INVS: variants seen among roughly 807,000 people sequenced by gnomAD.
INVS encodes the protein inversion of embryo turning homolog.
A neutral mutation model predicts 108.8 loss-of-function variants in INVS; 86 were observed. The observed-to-expected ratio is 0.79, with a 90% CI of 0.66 to 0.95. The LOEUF (loss-of-function observed/expected upper bound fraction) is 0.95. Among genes scored for constraint, INVS ranks in the 40% least tolerant of loss-of-function variants. The pLI is 0.00. For missense variants in INVS, 1,169 were observed against 1,297.4 expected, an observed-to-expected ratio of 0.90 and a Z score of 1.52; for synonymous variants, 455 against 473.5, an observed-to-expected ratio of 0.96 and a Z score of 0.51.
At chr9:100,185,103 T>G (rs1830013449) in intron 3 of INVS, among the ~76,000 whole-genome samples, 1 of 152,172 alleles carries the variant, frequency 6.6e-6, no homozygotes, top group Admixed American at 6.5e-5. Context: ...TTTGAGGGCT[T>G]ACACTTTTTT....
In INVS at chr9:100,246,787, G is replaced by C. The variant is rs1564174529; in HGVS notation, c.1078G>C (p.Ala360Pro). ...INMADKYGGT[A>P]LHAAALSGHV... is the part of the protein sequence containing the mutation. ...CATGGCTGACAAATATGGAGGTACA[G>C]GTGAGAACTGGTGGACACATTCAAT... Residue 360 changes from alanine to proline, a missense_variant and splice_region_variant, in exon 8 of 17, where the codon GCT (alanine) becomes CCT (proline). This residue lies in a region of INVS where 271 missense variants were observed against 363.8 expected (regional missense o/e 0.74). Coordinates refer to ENST00000262457, the MANE Select transcript of INVS (RefSeq NM_014425.5). The C allele has an allele frequency of 6.2e-7, 1 of 1,613,176 alleles. No homozygotes were observed. The highest frequency in any genetic ancestry group is 2.2e-5 in the East Asian group (1 of 44,848).
intron 3 of INVS, 25 bp from the exon 4 acceptor site, chr9:100,226,037 T>G: frequency 6.4e-7 from 1 of 1,574,696 alleles, no homozygotes; most frequent in South Asian, 1.1e-5. Context: ...CATTTTTTTC[T>G]TATCATCTCT....
intron 2 of INVS, among the ~76,000 whole-genome samples, chr9:100,108,935 G>T (rs935678304): frequency 6.6e-6 from 1 of 152,178 alleles, no homozygotes; most frequent in Non-Finnish European, 1.5e-5. Context: ...TCTAGATTCA[G>T]ATGTATTAGG....
At chr9:100,260,713 A>T (rs1240270210) in intron 10 of INVS, among the ~76,000 whole-genome samples, 3 of 152,192 alleles carry the variant, frequency 2.0e-5, no homozygotes, top group African/African-American at 7.2e-5. Context: ...TTAAGTAGTT[A>T]GCCTAAGATA....
intron 3 of INVS, among the ~76,000 whole-genome samples, chr9:100,193,972 T>G (rs1564153156): frequency 6.6e-6 from 1 of 152,198 alleles, no homozygotes; most frequent in Non-Finnish European, 1.5e-5. Flanking sequence ...TGTTTAACCA[T>G]TTGCCTGTTG....
intron 5 of INVS, among the ~76,000 whole-genome samples, chr9:100,239,357 A>G (rs1204037821): frequency 6.6e-6 from 1 of 152,222 alleles, no homozygotes; most frequent in Non-Finnish European, 1.5e-5. Flanking sequence ...TTGCCAAAGG[A>G]TACATGTCCG....
intron 4 of INVS, among the ~76,000 whole-genome samples, chr9:100,227,504 G>A (rs1223274073): frequency 6.9e-6 from 1 of 144,318 alleles, no homozygotes; most frequent in African/African-American, 2.9e-5. Flanking sequence ...ATAGAATTAT[G>A]TTGACGAGAA....
chr9:100,274,706 T>C (rs907477562), intron 12 of INVS, among the ~76,000 whole-genome samples: 1 of 152,196 alleles, frequency 6.6e-6, no homozygotes, highest in African/African-American at 2.4e-5. Context: ...GGTTTTGCCA[T>C]GTTGGCCAGG....
At chr9:100,150,391 A>C (rs1828771345) in intron 3 of INVS, among the ~76,000 whole-genome samples, 1 of 152,178 alleles carries the variant, frequency 6.6e-6, no homozygotes, top group South Asian at 2.1e-4. Context: ...TTCCCATGGA[A>C]ACCAATCAAA....
intron 3 of INVS, among the ~76,000 whole-genome samples, chr9:100,133,956 A>G (rs2761056): frequency 0.69 from 104,156 of 152,016 alleles, 36,798 homozygotes; most frequent in East Asian, 0.91. Flanking sequence ...CTATTTTTCC[A>G]TAAGTTATTG....
chr9:100,282,632 C>T (rs1365889248), intron 12 of INVS, among the ~76,000 whole-genome samples: 1 of 152,162 alleles, frequency 6.6e-6, no homozygotes, highest in African/African-American at 2.4e-5. Flanking sequence ...GATTCTATGA[C>T]TGCTTGGAGG....
chr9:100,150,082 A>G (rs1262973778), intron 3 of INVS, among the ~76,000 whole-genome samples: 1 of 152,096 alleles, frequency 6.6e-6, no homozygotes, highest in Non-Finnish European at 1.5e-5. Flanking sequence ...CAAACCTCCA[A>G]AGAAGTACTG....
At chr9:100,106,907 T>G (rs1827198554) in intron 2 of INVS, among the ~76,000 whole-genome samples, 1 of 151,688 alleles carries the variant, frequency 6.6e-6, no homozygotes, top group Non-Finnish European at 1.5e-5. Context: ...TTGCCCTGGA[T>G]GGTATCATGC....
chr9:100,176,074 A>G lies in INVS; in HGVS notation c.273+49525A>G, dbSNP rs553092447. 125 of 484,392 alleles carry G rather than the reference A, an allele frequency of 2.6e-4. No homozygotes were observed. The East Asian group carries it at 3.1e-3, about 12-fold the overall frequency. The allele number at this position is 484,392 out of a possible 1,614,324, so 30.0% of individuals were successfully genotyped here. A position where few individuals can be genotyped will look rare whatever the true frequency, so the allele number is the denominator to read the frequency against. On this transcript the variant is annotated intron_variant, in intron 3 of 16. Transcript: ENST00000262457. ...ATATGTAAAGATGAGTGAAACTGATATTACTCAATTTCAGTCTGGGCACTG... is the reference window on the plus strand; with the variant it reads ...ATATGTAAAGATGAGTGAAACTGATGTTACTCAATTTCAGTCTGGGCACTG...
At chr9:100,135,891 G>T (rs1331615083) in intron 3 of INVS, among the ~76,000 whole-genome samples, 1 of 151,804 alleles carries the variant, frequency 6.6e-6, no homozygotes, top group Non-Finnish European at 1.5e-5. Context: ...CAATATTTAA[G>T]GTTTATTTAC....
intron 11 of INVS, among the ~76,000 whole-genome samples, chr9:100,270,337 G>A (rs1356806990): frequency 1.3e-5 from 2 of 152,136 alleles, no homozygotes; most frequent in Admixed American, 6.5e-5. Flanking sequence ...TAGGCTGGGT[G>A]CAGTGGCTCA....
chr9:100,192,945 G>A (rs571860532), intron 3 of INVS, among the ~76,000 whole-genome samples: 9 of 148,476 alleles, frequency 6.1e-5, no homozygotes, highest in Non-Finnish European at 1.2e-4. Context: ...TTTTAAATAA[G>A]ATTTCAGATT....
intron 3 of INVS, among the ~76,000 whole-genome samples, chr9:100,186,236 A>G (rs1830052266): frequency 6.6e-6 from 1 of 151,314 alleles, no homozygotes; most frequent in Non-Finnish European, 1.5e-5. Context: ...TGCATCCTTC[A>G]CCTCCCGGGT....
chr9:100,129,730 A>T, intron 3 of INVS: 1 of 706,868 alleles, frequency 1.4e-6, no homozygotes, highest in Middle Eastern at 2.3e-4. Context: ...CATTCAAAGA[A>T]GAGAAACACG....
Sources: gnomAD v4.1 joint callset for allele counts (sites outside exome capture counted in the v4.1 genomes callset) on GRCh38, gnomAD v4.1.1 for gene constraint, gnomAD v4.1.1 regional missense constraint, MANE v1.5 for transcripts, NCBI Gene and HGNC (gene_info 2026-07-23, HGNC 2026-07-21) for gene names.